The following ARHGEF10L variants were observed in gnomAD, a reference collection of about 807,000 sequenced individuals.
The protein encoded by ARHGEF10L is rho guanine nucleotide exchange factor 10-like protein.
Under a neutral mutation model 141.2 loss-of-function variants are expected in ARHGEF10L, and 69 were observed. The observed-to-expected ratio is 0.49, with a 90% CI of 0.40 to 0.60. The LOEUF (loss-of-function observed/expected upper bound fraction) is 0.60, where lower values mean the gene tolerates loss of function less well. Ranked by LOEUF, ARHGEF10L falls within the 20% of genes least tolerant of loss-of-function variation. ARHGEF10L has a pLI of 0.00. For missense variants in ARHGEF10L, 1,482 were observed against 1,734.3 expected, an observed-to-expected ratio of 0.85 and a Z score of 2.58; for synonymous variants, 711 against 718.5, an observed-to-expected ratio of 0.99 and a Z score of 0.17.
In ARHGEF10L at chr1:17,640,309, ATAGCCC is replaced by A; in HGVS notation, c.2272+8_2272+13del. 1 of 1,607,182 alleles carries A rather than the reference ATAGCCC, an allele frequency of 6.2e-7. No individual in the cohort carries two copies. The highest frequency in any genetic ancestry group is 2.2e-5 in the East Asian group (1 of 44,864). Reference sequence around the variant, plus strand: ...TTGGCCAAAATCGGACTCCGTGAGTATAGCCCCAGGGAGAGTGCCTCAGGGGGCAGG... The same window carrying A: ...TTGGCCAAAATCGGACTCCGTGAGTACAGGGAGAGTGCCTCAGGGGGCAGG... On this transcript the variant is annotated splice_region_variant and intron_variant, in intron 21 of 28. Coordinates refer to ENST00000361221, the MANE Select transcript of ARHGEF10L (RefSeq NM_018125.4).
chr1:17,557,779 C>T (rs2077394205), intron 1 of ARHGEF10L, among the ~76,000 whole-genome samples: 3 of 152,170 alleles, frequency 2.0e-5, no homozygotes, highest in Admixed American at 2.0e-4. Flanking sequence ...CATTATGTCA[C>T]CTGCTCTATG....
chr1:17,607,050 T>C lies in ARHGEF10L; in HGVS notation c.434-752T>C, dbSNP rs963549699. ...CGCCCCCTACTGGAAGATCCCAGGC[T>C]GCACGTGAAGTCAGATTTGGGGTGA... is the stretch of plus-strand genomic sequence containing the variant. On this transcript the variant is annotated intron_variant, in intron 6 of 28. Transcript: ENST00000361221. The surrounding 1 kb of genome is among the most constrained non-coding windows in gnomAD (Gnocchi z 4.5). Among the ~76,000 whole-genome samples, 5 of 152,234 alleles carry C rather than the reference T, an allele frequency of 3.3e-5. No homozygotes were observed. The highest frequency in any genetic ancestry group is 1.2e-4 in the African/African-American group (5 of 41,468).
At position 17,654,528 on chromosome 1, in the gene ARHGEF10L, C is replaced by A; in HGVS notation, c.2395-108C>A. On this transcript the variant is annotated intron_variant, in intron 22 of 28. Coordinates refer to ENST00000361221, the MANE Select transcript of ARHGEF10L (RefSeq NM_018125.4). This position sits in a 1 kb window ranked among gnomAD's most constrained non-coding sequence, Gnocchi z 4.3. ...ATGTTGCTTTCCTGGCCCCCACCCA[C>A]AGGGATTCTAATCCAGGGAGAGTTG... 1.0e-6 allele frequency: 1 copy of A among 973,160 alleles called. No homozygotes were observed. The highest frequency in any genetic ancestry group is 1.7e-6 in the Non-Finnish European group (1 of 599,436). 60.3% of individuals were successfully genotyped at this position (973,160 alleles called of 1,614,324 possible).
At chr1:17,651,723 G>T (rs1400491781) in intron 22 of ARHGEF10L, among the ~76,000 whole-genome samples, 3 of 152,194 alleles carry the variant, frequency 2.0e-5, no homozygotes, top group Non-Finnish European at 4.4e-5. Context: ...CCTCAGTCCT[G>T]CTGGCCCCGG....
At chr1:17,545,029 G>A (rs1048526875) in intron 1 of ARHGEF10L, among the ~76,000 whole-genome samples, 3 of 152,046 alleles carry the variant, frequency 2.0e-5, no homozygotes, top group Admixed American at 6.6e-5. Flanking sequence ...TGACATGCAG[G>A]GATTATGGGA....
At chr1:17,631,657 G>A (rs965021886) in intron 15 of ARHGEF10L, among the ~76,000 whole-genome samples, 1 of 152,184 alleles carries the variant, frequency 6.6e-6, no homozygotes, top group Non-Finnish European at 1.5e-5. Flanking sequence ...GTCATCACAC[G>A]TGACCTGTGC....
intron 4 of ARHGEF10L, among the ~76,000 whole-genome samples, chr1:17,599,672 C>T (rs1186054583): frequency 2.0e-5 from 3 of 152,160 alleles, no homozygotes; most frequent in Admixed American, 6.5e-5. Flanking sequence ...GAAGCCCTGT[C>T]CTCTCTTGGC....
Position 17,607,780 on chromosome 1 carries a change from C to A in ARHGEF10L, c.434-22C>A. 1.3e-6 allele frequency: 2 copies of A among 1,537,162 alleles called. No individual in the cohort carries two copies. The stretch of plus-strand genomic sequence containing the variant: ...GGCTTGGCCTCAGGGCCTGGGCTCA[C>A]CGGCTGCCGCTTGGCCAGCAGGGGC... On this transcript the variant is annotated intron_variant, in intron 6 of 28. Transcript: ENST00000361221. The surrounding 1 kb of genome is among the most constrained non-coding windows in gnomAD (Gnocchi z 4.5).
rs1300389452 is a variant in ARHGEF10L, at chr1:17,642,416, C to T, written c.2272+2114C>T. ...GTTGCGGGCAGGTTTTCTGGGAAGC[C>T]GGGGAGAGCCGTATGGGATTTGTTC... On this transcript the variant is annotated intron_variant, in intron 21 of 28. Coordinates refer to ENST00000361221, the MANE Select transcript of ARHGEF10L (RefSeq NM_018125.4). 4.6e-5 allele frequency among the ~76,000 whole-genome samples: 7 copies of T among 152,122 alleles called. No homozygotes were observed. The South Asian group carries it at 6.2e-4, about 14-fold the overall frequency.
intron 26 of ARHGEF10L, among the ~76,000 whole-genome samples, chr1:17,665,468 C>T (rs1168353497): frequency 6.6e-6 from 1 of 152,116 alleles, no homozygotes; most frequent in Admixed American, 6.5e-5. Flanking sequence ...TATGGATGAG[C>T]TCTGAGACTG....
chr1:17,696,631 G>A (rs576662546), intron 28 of ARHGEF10L, among the ~76,000 whole-genome samples: 5 of 152,298 alleles, frequency 3.3e-5, no homozygotes, highest in Admixed American at 2.0e-4. Flanking sequence ...AGGCTCCCCC[G>A]TGTGGTGTAT....
chr1:17,588,166 T>G (rs1391071068), intron 3 of ARHGEF10L, among the ~76,000 whole-genome samples: 2 of 136,260 alleles, frequency 1.5e-5, no homozygotes, highest in African/African-American at 5.5e-5. Flanking sequence ...CTGGAGCAGC[T>G]GGGGGTGGAG....
intron 26 of ARHGEF10L, among the ~76,000 whole-genome samples, chr1:17,686,314 C>T (rs1445627767): frequency 1.3e-5 from 2 of 152,058 alleles, no homozygotes; most frequent in Non-Finnish European, 2.9e-5. Context: ...ATTCAAGTGT[C>T]CATCCATTCA....
chr1:17,668,704 G>T (rs781660373), intron 26 of ARHGEF10L, among the ~76,000 whole-genome samples: 19 of 152,220 alleles, frequency 1.2e-4, no homozygotes, highest in Non-Finnish European at 2.4e-4. Flanking sequence ...CCCATGTGCA[G>T]CCAGGGAAAT....
Position 17,607,656 on chromosome 1 carries a change from G to T in ARHGEF10L, c.434-146G>T, listed in dbSNP as rs1421820595. ...GTATTATCATCTTCGTTTCATGGTT[G>T]AGGAGGTAGAGCTGGAGCCCCAGGG... On this transcript the variant is annotated intron_variant, in intron 6 of 28. Coordinates refer to ENST00000361221, the MANE Select transcript of ARHGEF10L (RefSeq NM_018125.4). This position sits in a 1 kb window ranked among gnomAD's most constrained non-coding sequence, Gnocchi z 4.5. The T allele has an allele frequency of 1.3e-6, 1 of 743,594 alleles. No individual in the cohort carries two copies. The allele number at this position is 743,594 out of a possible 1,614,324, so 46.1% of individuals were successfully genotyped here. A position where few individuals can be genotyped will look rare whatever the true frequency, so the allele number is the denominator to read the frequency against.
At chr1:17,676,299 A>C (rs868841923) in intron 26 of ARHGEF10L, among the ~76,000 whole-genome samples, 2 of 112,604 alleles carry the variant, frequency 1.8e-5, no homozygotes, top group Admixed American at 9.1e-5. Flanking sequence ...GGTGAGGTGT[A>C]GATGCAGGTG....
chr1:17,516,145 C>A, the ARHGEF10L span, among the ~76,000 whole-genome samples: 1 of 152,250 alleles, frequency 6.6e-6, no homozygotes, highest in Non-Finnish European at 1.5e-5. Context: ...GGTTGCCCGG[C>A]AGCCTTGCTG....
chr1:17,567,607 A>G (rs1052264498), intron 1 of ARHGEF10L, among the ~76,000 whole-genome samples: 6 of 152,114 alleles, frequency 3.9e-5, no homozygotes, highest in African/African-American at 1.2e-4. Flanking sequence ...ACCTCAAGTG[A>G]TCCACCTGTC....
In ARHGEF10L at chr1:17,696,465, G is replaced by A. The variant is rs554208826; in HGVS notation, c.3308-383G>A. ...GGGCTGGGGACACAGAGACTGGGGCGAGCAGCTCCCCATGCATGAATTCAG... is the reference window on the plus strand; with the variant it reads ...GGGCTGGGGACACAGAGACTGGGGCAAGCAGCTCCCCATGCATGAATTCAG... On this transcript the variant is annotated intron_variant, in intron 28 of 28. Transcript: ENST00000361221. Among the ~76,000 whole-genome samples the A allele has an allele frequency of 3.3e-5, 5 of 152,226 alleles. No homozygotes were observed. The South Asian group carries it at 8.3e-4, about 25-fold the overall frequency.
Sources: allele counts gnomAD v4.1 joint callset (sites outside exome capture counted in the v4.1 genomes callset), GRCh38; gene constraint gnomAD v4.1.1; non-coding constraint Gnocchi (gnomAD v3.1); transcripts MANE v1.5; gene names NCBI Gene and HGNC (gene_info 2026-07-23, HGNC 2026-07-21).